Variants in NR3C2 observed in about 807,000 individuals in gnomAD.
The protein encoded by NR3C2 is nuclear receptor subfamily 3 group C member 2.
In NR3C2, 15 loss-of-function variants were observed where a neutral mutation model predicts 86.4. The ratio of observed to expected loss-of-function variants is 0.17; its 90% CI spans 0.12 to 0.27. The LOEUF is 0.27. Ranked by LOEUF, NR3C2 falls within the 10% of genes least tolerant of loss-of-function variation. The probability of loss-of-function intolerance (pLI) is 1.00; values close to 1 mark genes in which losing one functional copy is unlikely to be tolerated. For synonymous variants in NR3C2, 458 were observed against 450.5 expected (o/e 1.02, Z -0.21); for missense variants, 960 against 1,195.6 (o/e 0.80, Z 2.91).
At position 148,436,628 on chromosome 4, in the gene NR3C2, T is replaced by C. The variant is rs374204565; in HGVS notation, c.233A>G (p.Asn78Ser). 3.5e-5 allele frequency: 57 copies of C among 1,614,094 alleles called. 1 individual carries two copies. The South Asian group carries it at 5.4e-4, about 15-fold the overall frequency. The change falls in exon 2 of 9, where the codon AAT becomes AGT. Residue 78 changes from asparagine to serine, a missense_variant. Asn to Ser is a conservative substitution (Grantham distance 46). Coordinates refer to ENST00000358102, the MANE Select transcript of NR3C2 (RefSeq NM_000901.5). ...QELLPCLQQD[N>S]NRPGILTSDI... ...AGATGTTAAAATCCCAGGCCGATTA[T>C]TGTCTTGCTGAAGGCAAGGGAGTAG... is the stretch of plus-strand genomic sequence containing the variant.
At chr4:148,182,364 T>C (rs1340911605) in intron 4 of NR3C2, among the ~76,000 whole-genome samples, 1 of 152,270 alleles carries the variant, frequency 6.6e-6, no homozygotes, top group South Asian at 2.1e-4. Context: ...AAAATTACAA[T>C]GTACACAACT....
At chr4:148,298,800 T>C (rs891769870) in intron 2 of NR3C2, among the ~76,000 whole-genome samples, 4 of 152,252 alleles carry the variant, frequency 2.6e-5, no homozygotes, top group African/African-American at 7.2e-5. Context: ...ATGTCTTGTA[T>C]AAGGCTTTCA....
chr4:148,166,364 G>A (rs1265435854), intron 4 of NR3C2, among the ~76,000 whole-genome samples: 1 of 152,232 alleles, frequency 6.6e-6, no homozygotes, highest in East Asian at 1.9e-4. Context: ...GTGGTGGGCA[G>A]GGCCACGCCA....
intron 3 of NR3C2, among the ~76,000 whole-genome samples, chr4:148,228,492 C>T (rs1738294315): frequency 6.6e-6 from 1 of 152,014 alleles, no homozygotes; most frequent in Non-Finnish European, 1.5e-5. Context: ...ATTTTTTTGC[C>T]AGCTTTTCAT....
intron 8 of NR3C2, among the ~76,000 whole-genome samples, chr4:148,092,151 G>T (rs1377301162): frequency 2.0e-5 from 3 of 152,186 alleles, no homozygotes; most frequent in African/African-American, 7.2e-5. Context: ...TGCTTCCCCA[G>T]TTCTTTCTCT....
In NR3C2 at chr4:148,245,827, C is replaced by A. The variant is rs150158975; in HGVS notation, c.1897+14151G>T. 7.3e-3 allele frequency among the ~76,000 whole-genome samples: 1,115 copies of A among 152,208 alleles called. 13 individuals carry two copies. The highest frequency in any genetic ancestry group is 9.7e-3 in the Non-Finnish European group (658 of 68,010). On this transcript the variant is annotated intron_variant, in intron 3 of 8. Coordinates refer to ENST00000358102, the MANE Select transcript of NR3C2 (RefSeq NM_000901.5). ...TTGTATGTAGAAAGAATTTCATTTTCGATGGAAATTTTGTATGAAGAAAAT... is the reference window on the plus strand; with the variant it reads ...TTGTATGTAGAAAGAATTTCATTTTAGATGGAAATTTTGTATGAAGAAAAT...
chr4:148,162,543 T>G (rs1734707691), intron 4 of NR3C2, among the ~76,000 whole-genome samples: 1 of 152,122 alleles, frequency 6.6e-6, no homozygotes, highest in African/African-American at 2.4e-5. Flanking sequence ...AAGAGGAAAC[T>G]CAGAACATCA....
chr4:148,229,340 T>C (rs577608803), intron 3 of NR3C2, among the ~76,000 whole-genome samples: 5 of 152,306 alleles, frequency 3.3e-5, no homozygotes, highest in African/African-American at 7.2e-5. Flanking sequence ...CTTTCTTCGC[T>C]GAGAACTTTC....
chr4:148,341,546 T>G (rs150790831), intron 2 of NR3C2, among the ~76,000 whole-genome samples: 1 of 152,104 alleles, frequency 6.6e-6, no homozygotes, highest in Non-Finnish European at 1.5e-5. Context: ...GAAAGCACAG[T>G]AGGGCAACTA....
At chr4:148,232,537 G>C (rs764074819) in intron 3 of NR3C2, among the ~76,000 whole-genome samples, 2 of 152,198 alleles carry the variant, frequency 1.3e-5, no homozygotes, top group African/African-American at 2.4e-5. Context: ...ATAGAGTACA[G>C]GCAGAGTAGA....
At position 148,154,691 on chromosome 4, in the gene NR3C2, A is replaced by G; in HGVS notation, c.2225T>C (p.Leu742Pro). 6.2e-7 allele frequency: 1 copy of G among 1,614,138 alleles called. No homozygotes were observed. ...RALTPSPVMV[L>P]ENIEPEIVYA... ...TACAATTTCAGGTTCAATGTTTTCA[A>G]GGACCATAACGGGGGAAGGTGTGAG... is the stretch of plus-strand genomic sequence containing the variant. Residue 742 changes from leucine (L) to proline (P), a missense_variant, in exon 5 of 9, where the codon CTT becomes CCT. Transcript: ENST00000358102.
At chr4:148,124,141 G>A (rs1294106507) in intron 6 of NR3C2, among the ~76,000 whole-genome samples, 1 of 152,144 alleles carries the variant, frequency 6.6e-6, no homozygotes, top group African/African-American at 2.4e-5. Context: ...AGGAGGGTGA[G>A]GTGGAAGAAT....
At chr4:148,153,994 AT>A (rs968795512) in intron 5 of NR3C2, among the ~76,000 whole-genome samples, 40 of 149,734 alleles carry the variant, frequency 2.7e-4, no homozygotes, top group African/African-American at 8.3e-4. Context: ...AGTGTATGTC[AT>A]TTTTTTTATT....
At chr4:148,199,501 A>G (rs1192115731) in intron 3 of NR3C2, among the ~76,000 whole-genome samples, 1 of 152,090 alleles carries the variant, frequency 6.6e-6, no homozygotes, top group African/African-American at 2.4e-5. Flanking sequence ...AAGATTCTTA[A>G]AAGTAAGTAG....
At chr4:148,369,316 A>AT (rs1237697216) in intron 2 of NR3C2, among the ~76,000 whole-genome samples, 1 of 152,212 alleles carries the variant, frequency 6.6e-6, no homozygotes, top group Non-Finnish European at 1.5e-5. Context: ...TAAAGTACCC[A>AT]TAACATGAAT....
intron 7 of NR3C2, among the ~76,000 whole-genome samples, chr4:148,119,409 A>G (rs753647596): frequency 1.4e-4 from 22 of 152,298 alleles, no homozygotes; most frequent in Non-Finnish European, 3.1e-4. Context: ...TCCCTCCCAG[A>G]TCCCCAGAAC....
intron 2 of NR3C2, among the ~76,000 whole-genome samples, chr4:148,292,262 T>A (rs1487793826): frequency 6.6e-6 from 1 of 152,074 alleles, no homozygotes; most frequent in Non-Finnish European, 1.5e-5. Context: ...AATCACTTTA[T>A]ACACATAAAA....
intron 2 of NR3C2, among the ~76,000 whole-genome samples, chr4:148,264,654 A>T (rs1185607316): frequency 6.6e-6 from 1 of 152,138 alleles, no homozygotes; most frequent in Non-Finnish European, 1.5e-5. Flanking sequence ...TCTCAGCAAA[A>T]AGAGGTTCAA....
chr4:148,318,253 A>C (rs1197241486), intron 2 of NR3C2, among the ~76,000 whole-genome samples: 3 of 150,694 alleles, frequency 2.0e-5, no homozygotes, highest in Non-Finnish European at 4.4e-5. Context: ...TATGTGCCAC[A>C]TTTTCTTAAT....
Sources: allele counts gnomAD v4.1 joint callset (sites outside exome capture counted in the v4.1 genomes callset), GRCh38; gene constraint gnomAD v4.1.1; transcripts MANE v1.5; gene names NCBI Gene and HGNC (gene_info 2026-07-23, HGNC 2026-07-21).